C8orf34: variants seen among roughly 807,000 people sequenced by gnomAD.
C8orf34 encodes chromosome 8 open reading frame 34, also known as uncharacterized protein C8orf34.
C8orf34 carries 65 observed loss-of-function variants against 68.3 expected under a neutral mutation model. That is an observed-to-expected ratio of 0.95 (90% CI 0.78 to 1.17). The LOEUF (loss-of-function observed/expected upper bound fraction) is 1.17, where lower values mean the gene tolerates loss of function less well. C8orf34 is among the 50% of genes most tolerant of loss of function. C8orf34 has a pLI of 0.00. For missense variants in C8orf34, 664 were observed against 655.4 expected (o/e 1.01, Z -0.14); for synonymous variants, 244 against 241.2 (o/e 1.01, Z -0.11).
At chr8:68,671,866 G>A (rs1418790937) in intron 8 of C8orf34, among the ~76,000 whole-genome samples, 1 of 151,998 alleles carries the variant, frequency 6.6e-6, no homozygotes, top group African/African-American at 2.4e-5. Context: ...TTGCAATTTA[G>A]GTAGATTAGT....
intron 12 of C8orf34, among the ~76,000 whole-genome samples, chr8:68,812,909 A>G (rs1334705509): frequency 6.6e-6 from 1 of 152,192 alleles, no homozygotes; most frequent in Non-Finnish European, 1.5e-5. Flanking sequence ...TCTGATAGAA[A>G]ACAGGATGTG....
chr8:68,654,949 C>T (rs944839762), intron 8 of C8orf34, among the ~76,000 whole-genome samples: 4 of 152,126 alleles, frequency 2.6e-5, no homozygotes, highest in East Asian at 1.9e-4. Flanking sequence ...TGGGGAAATG[C>T]GTCAGCTATA....
At chr8:68,538,881 A>C (rs2129906990) in intron 7 of C8orf34, among the ~76,000 whole-genome samples, 1 of 152,314 alleles carries the variant, frequency 6.6e-6, no homozygotes, top group Admixed American at 6.5e-5. Flanking sequence ...AGGAAAAGAA[A>C]AATGTTTTCT....
chr8:68,682,884 A>G (rs1001827351), intron 8 of C8orf34, among the ~76,000 whole-genome samples: 9 of 152,116 alleles, frequency 5.9e-5, no homozygotes, highest in Non-Finnish European at 1.3e-4. Flanking sequence ...GAAGCAAACT[A>G]TTACATTTCG....
intron 8 of C8orf34, among the ~76,000 whole-genome samples, chr8:68,659,488 C>A (rs770937281): frequency 6.6e-6 from 1 of 152,080 alleles, no homozygotes; most frequent in Non-Finnish European, 1.5e-5. Context: ...ATAGTTATGT[C>A]TTTTAAAGTA....
At chr8:68,717,362 A>G (rs1450425683) in intron 9 of C8orf34, among the ~76,000 whole-genome samples, 2 of 151,996 alleles carry the variant, frequency 1.3e-5, no homozygotes, top group Non-Finnish European at 2.9e-5. Flanking sequence ...CTGCGGTGGC[A>G]GGTGCCTGTA....
At chr8:68,583,626 A>G (rs188949462) in intron 7 of C8orf34, among the ~76,000 whole-genome samples, 44 of 152,266 alleles carry the variant, frequency 2.9e-4, no homozygotes, top group Non-Finnish European at 5.4e-4. Context: ...TTAAAAGTCA[A>G]TAGGTCATGT....
intron 8 of C8orf34, among the ~76,000 whole-genome samples, chr8:68,651,071 C>G (rs923665168): frequency 1.3e-5 from 2 of 152,184 alleles, no homozygotes; most frequent in African/African-American, 2.4e-5. Flanking sequence ...CTCTATCTGC[C>G]TAAATTTCTT....
At chr8:68,808,577 A>G (rs955734526) in intron 12 of C8orf34, among the ~76,000 whole-genome samples, 4 of 151,200 alleles carry the variant, frequency 2.6e-5, no homozygotes, top group Admixed American at 6.6e-5. Context: ...ATAAAGAAAT[A>G]AAAAATAAAA....
intron 7 of C8orf34, among the ~76,000 whole-genome samples, chr8:68,634,353 A>G (rs186867028): frequency 1.2e-4 from 19 of 152,308 alleles, no homozygotes; most frequent in Admixed American, 1.0e-3. Context: ...GCATATTTTT[A>G]CCTCCTTCAA....
At chr8:68,527,194 G>A (rs564016698) in intron 6 of C8orf34, among the ~76,000 whole-genome samples, 131 of 152,192 alleles carry the variant, frequency 8.6e-4, no homozygotes, top group African/African-American at 3.1e-3. Context: ...TGTGTTCTTT[G>A]AACACATAAT....
At chr8:68,336,730 C>T (rs1805867450) in intron 1 of C8orf34, among the ~76,000 whole-genome samples, 2 of 152,108 alleles carry the variant, frequency 1.3e-5, no homozygotes, top group South Asian at 2.1e-4. Flanking sequence ...ATACCATTCT[C>T]CATTAAGTAG....
chr8:68,756,295 A>G (rs1822858979), intron 10 of C8orf34, among the ~76,000 whole-genome samples: 1 of 152,190 alleles, frequency 6.6e-6, no homozygotes, highest in South Asian at 2.1e-4. Flanking sequence ...CTCTGATGCT[A>G]TAGATCACTT....
chr8:68,678,411 G>C (rs183311575), intron 8 of C8orf34, among the ~76,000 whole-genome samples: 1 of 152,038 alleles, frequency 6.6e-6, no homozygotes, highest in African/African-American at 2.4e-5. Context: ...ATTATATCAG[G>C]GATGCAAGGA....
chr8:68,491,349 TAAAGC>T (rs902736049), intron 5 of C8orf34, among the ~76,000 whole-genome samples: 4 of 152,192 alleles, frequency 2.6e-5, no homozygotes, highest in African/African-American at 9.6e-5. Context: ...TGTGACACTT[TAAAGC>T]AACACAAATT....
chr8:68,374,826 T>C (rs1807723069), intron 1 of C8orf34, among the ~76,000 whole-genome samples: 1 of 152,186 alleles, frequency 6.6e-6, no homozygotes, highest in Non-Finnish European at 1.5e-5. Flanking sequence ...CAGTTTCTCT[T>C]TTTATTAGAA....
chr8:68,589,191 G>T (rs557753787), intron 7 of C8orf34, among the ~76,000 whole-genome samples: 1 of 152,292 alleles, frequency 6.6e-6, no homozygotes, highest in Admixed American at 6.5e-5. Flanking sequence ...AATCAAGGAT[G>T]AAGTAACAAC....
At chr8:68,742,264 T>C (rs570775444) in intron 10 of C8orf34, among the ~76,000 whole-genome samples, 2 of 152,332 alleles carry the variant, frequency 1.3e-5, no homozygotes, top group South Asian at 4.1e-4. Context: ...TAGCCTTCCT[T>C]TGCTGCTAAT....
rs190584448 is a variant in C8orf34 at position 68,488,538 on chromosome 8, G to A, written c.765+487G>A. On this transcript the variant is annotated intron_variant, in intron 5 of 13. Coordinates refer to ENST00000518698, the MANE Select transcript of C8orf34 (RefSeq NM_052958.4). The stretch of plus-strand genomic sequence containing the variant: ...ATGGTGGTGAGAAGTGGTGTGGTTA[G>A]AAATATATTTCTATAGTTGTGTCAC... 1.8e-3 allele frequency among the ~76,000 whole-genome samples: 277 copies of A among 152,226 alleles called. 1 individual carries two copies. The highest frequency in any genetic ancestry group is 6.8e-3 in the Middle Eastern group (2 of 294).
Sources: allele counts gnomAD v4.1 joint callset (sites outside exome capture counted in the v4.1 genomes callset), GRCh38; gene constraint gnomAD v4.1.1; transcripts MANE v1.5; gene names NCBI Gene and HGNC (gene_info 2026-07-23, HGNC 2026-07-21).